Variants in KANSL1L observed in about 807,000 individuals in gnomAD.
The protein encoded by KANSL1L is KAT8 regulatory NSL complex subunit 1-like protein.
KANSL1L carries 25 observed loss-of-function variants against 108.6 expected under a neutral mutation model. The observed-to-expected ratio is 0.23, with a 90% CI of 0.17 to 0.32. The LOEUF is 0.32. Among genes scored for constraint, KANSL1L ranks in the 10% least tolerant of loss-of-function variants. The probability of loss-of-function intolerance (pLI) is 1.00; values close to 1 mark genes in which losing one functional copy is unlikely to be tolerated. For missense variants in KANSL1L, 1,137 were observed against 1,125.7 expected (o/e 1.01, Z -0.14); for synonymous variants, 405 against 395.1 (o/e 1.03, Z -0.30).
intron 3 of KANSL1L, among the ~76,000 whole-genome samples, chr2:210,127,468 T>C (rs1253595767): frequency 1.3e-5 from 2 of 151,852 alleles, no homozygotes; most frequent in Non-Finnish European, 2.9e-5. Context: ...TTTTGAAAAT[T>C]TGGGCAGGAA....
At chr2:210,136,236 T>C (rs959161722) in intron 2 of KANSL1L, among the ~76,000 whole-genome samples, 5 of 152,084 alleles carry the variant, frequency 3.3e-5, no homozygotes, top group Admixed American at 2.0e-4. Flanking sequence ...ATAATTCATA[T>C]ATGGGATGGG....
chr2:210,168,447 G>C (rs773660926), intron 1 of KANSL1L, among the ~76,000 whole-genome samples: 3 of 152,066 alleles, frequency 2.0e-5, no homozygotes, highest in Non-Finnish European at 2.9e-5. Context: ...TAGGCAATAA[G>C]AAGTGAGCTA....
intron 1 of KANSL1L, among the ~76,000 whole-genome samples, chr2:210,156,517 C>T (rs1054498495): frequency 6.6e-6 from 1 of 151,750 alleles, no homozygotes; most frequent in Non-Finnish European, 1.5e-5. Context: ...TACAGAAAGA[C>T]CTTAAAAACA....
intron 3 of KANSL1L, among the ~76,000 whole-genome samples, chr2:210,116,251 G>T (rs904292645): frequency 4.6e-5 from 7 of 152,132 alleles, no homozygotes; most frequent in African/African-American, 1.4e-4. Flanking sequence ...TTGTGACTTG[G>T]TCAGCTGCAG....
Position 210,158,210 on chromosome 2 carries a change from G to A in KANSL1L, c.-29-3599C>T, listed in dbSNP as rs556862456. On this transcript the variant is annotated intron_variant, in intron 1 of 14. Transcript: ENST00000281772. ...GCAGAGGTGATAAGATGACTTCTGA[G>A]ATTAGGTAACAAAGAGACTGTGGCT... Among the ~76,000 whole-genome samples the A allele has an allele frequency of 8.5e-5, 13 of 152,262 alleles. No individual in the cohort carries two copies. The South Asian group carries it at 2.7e-3, about 32-fold the overall frequency.
chr2:210,090,275 T>G lies in KANSL1L; in HGVS notation c.1550+7811A>C, dbSNP rs189702142. 1.1e-3 allele frequency among the ~76,000 whole-genome samples: 167 copies of G among 152,248 alleles called. 1 individual carries two copies. The highest frequency in any genetic ancestry group is 5.0e-3 in the Admixed American group (77 of 15,278). The stretch of plus-strand genomic sequence containing the variant: ...ACTGTCTCCCAATATCTGGTATGCT[T>G]ACTGTAAGACATACATTTGAACTCT... On this transcript the variant is annotated intron_variant, in intron 5 of 14. Transcript: ENST00000281772.
At chr2:210,136,767 A>G (rs963521615) in intron 2 of KANSL1L, among the ~76,000 whole-genome samples, 2 of 152,174 alleles carry the variant, frequency 1.3e-5, no homozygotes, top group East Asian at 3.9e-4. Context: ...GCGAAACACT[A>G]TAATGGGCCC....
chr2:210,025,802 A>C (rs916538165), intron 12 of KANSL1L, among the ~76,000 whole-genome samples: 3 of 152,086 alleles, frequency 2.0e-5, no homozygotes, highest in Non-Finnish European at 2.9e-5. Flanking sequence ...GCAGCCTTGA[A>C]CTTCTGGGCT....
Position 210,023,064 on chromosome 2 carries a change from T to C in KANSL1L, c.2849A>G (p.Glu950Gly), listed in dbSNP as rs758277835. The change falls in exon 15 of 15, where the codon GAA (glutamate) becomes GGA (glycine). Residue 950 changes from glutamate (E) to glycine (G), a missense_variant. Glu to Gly is a moderately conservative substitution (Grantham distance 98). Coordinates refer to ENST00000281772, the MANE Select transcript of KANSL1L (RefSeq NM_152519.4). ...CTCTGGTACACTGGTACCGAAGATT[T>C]CACCATGGAAAGCTGTGCTTGACCT... ...VERSSTAFHG[E>G]IFGTSVPENG... The C allele has an allele frequency of 1.2e-6, 2 of 1,613,938 alleles. No individual in the cohort carries two copies. The highest frequency in any genetic ancestry group is 1.7e-6 in the Non-Finnish European group (2 of 1,179,940).
chr2:210,079,612 GTATATATATATATATATATATATATATA>G (rs60144283), intron 5 of KANSL1L, among the ~76,000 whole-genome samples: 1,410 of 65,668 alleles, frequency 0.021, 107 homozygotes, highest in Non-Finnish European at 0.026. Flanking sequence ...ATATGTATGT[GTATATATATATATATATATATATATATA>G]TATATATATA....
chr2:210,160,072 A>G (rs1425944486), intron 1 of KANSL1L, among the ~76,000 whole-genome samples: 2 of 152,170 alleles, frequency 1.3e-5, no homozygotes, highest in African/African-American at 4.8e-5. Context: ...TCACCATATC[A>G]ATAGACTAAA....
intron 5 of KANSL1L, among the ~76,000 whole-genome samples, chr2:210,095,273 T>A (rs149614541): frequency 6.6e-6 from 1 of 152,112 alleles, no homozygotes; most frequent in Admixed American, 6.5e-5. Context: ...TGTATGTCCC[T>A]TTTATTATAG....
chr2:210,139,450 T>A (rs927947752), intron 2 of KANSL1L, among the ~76,000 whole-genome samples: 2 of 152,204 alleles, frequency 1.3e-5, no homozygotes, highest in Non-Finnish European at 2.9e-5. Context: ...GGTCATATGG[T>A]AATTCTATTT....
At chr2:210,050,918 A>AT (rs879820061) in intron 6 of KANSL1L, among the ~76,000 whole-genome samples, 3 of 151,792 alleles carry the variant, frequency 2.0e-5, no homozygotes, top group Non-Finnish European at 2.9e-5. Context: ...TAATTTTTGT[A>AT]TTTTTTTGTA....
At chr2:210,058,424 T>C (rs2094380564) in intron 6 of KANSL1L, among the ~76,000 whole-genome samples, 1 of 152,194 alleles carries the variant, frequency 6.6e-6, no homozygotes, top group Non-Finnish European at 1.5e-5. Context: ...GGTCCTGTGA[T>C]CTCGCCCTGC....
chr2:210,116,387 A>C (rs1005154388), intron 3 of KANSL1L, among the ~76,000 whole-genome samples: 1 of 152,162 alleles, frequency 6.6e-6, no homozygotes, highest in African/African-American at 2.4e-5. Flanking sequence ...CTGATGATAG[A>C]ACTTTTGGGC....
chr2:210,133,349 T>G (rs1216375645), intron 2 of KANSL1L, among the ~76,000 whole-genome samples: 5 of 152,154 alleles, frequency 3.3e-5, no homozygotes, highest in African/African-American at 1.2e-4. Flanking sequence ...TTTATATTTT[T>G]CTTGGCTATT....
chr2:210,099,372 AATAAC>A (rs1483572364), intron 4 of KANSL1L, among the ~76,000 whole-genome samples: 1 of 152,208 alleles, frequency 6.6e-6, no homozygotes, highest in Non-Finnish European at 1.5e-5. Flanking sequence ...GTATGAAACT[AATAAC>A]ATGCTATTAG....
At chr2:210,023,561 T>C (rs1391190339) in intron 14 of KANSL1L, among the ~76,000 whole-genome samples, 2 of 152,232 alleles carry the variant, frequency 1.3e-5, no homozygotes, top group Non-Finnish European at 2.9e-5. Flanking sequence ...TGCCTATTAA[T>C]TCTATAATCT....
Sources: gnomAD v4.1 joint callset for allele counts (sites outside exome capture counted in the v4.1 genomes callset) on GRCh38, gnomAD v4.1.1 for gene constraint, MANE v1.5 for transcripts, NCBI Gene and HGNC (gene_info 2026-07-23, HGNC 2026-07-21) for gene names.